SKI: variants seen among roughly 807,000 people sequenced by gnomAD.
SKI encodes the protein SKI proto-oncogene.
In SKI, 23 loss-of-function variants were observed where a neutral mutation model predicts 59.3. The ratio of observed to expected loss-of-function variants is 0.39; its 90% CI spans 0.28 to 0.55. SKI has a LOEUF of 0.55. Ranked by LOEUF, SKI falls within the 20% of genes least tolerant of loss-of-function variation. The pLI, the probability that SKI is intolerant of heterozygous loss-of-function variation, is 0.67. For missense variants in SKI, 1,017 were observed against 1,038.9 expected, an observed-to-expected ratio of 0.98 and a Z score of 0.29; for synonymous variants, 673 against 488.6, an observed-to-expected ratio of 1.38 and a Z score of -4.98.
At chr1:2,306,359 C>T (rs1640578233) in intron 6 of SKI, 109 bp downstream of exon 6, 1 of 1,150,864 alleles carries the variant, frequency 8.7e-7, no homozygotes, top group Non-Finnish European at 1.2e-6. Flanking sequence ...GAAGCCAGGC[C>T]CGGGACCACG....
chr1:2,293,494 C>G (rs903325845), intron 1 of SKI, among the ~76,000 whole-genome samples: 4 of 152,166 alleles, frequency 2.6e-5, no homozygotes, highest in Admixed American at 2.6e-4. Flanking sequence ...TGGCCGTCCC[C>G]TTTTCTGCGT....
Position 2,306,890 on chromosome 1 carries a change from C to G in SKI, c.*125C>G. The stretch of plus-strand genomic sequence containing the variant: ...GCACAACGTCTTACCGTGCCTATTA[C>G]CAAGCGAGTGTTTGTAACCATGTAG... On this transcript the variant is annotated 3_prime_UTR_variant, in exon 7 of 7. Coordinates refer to ENST00000378536, the MANE Select transcript of SKI (RefSeq NM_003036.4). The G allele has an allele frequency of 3.2e-6, 2 of 627,726 alleles. No individual in the cohort carries two copies. Among genetic ancestry groups the G allele is most frequent in the Non-Finnish European group, 4.6e-6 (2 of 438,886 alleles). 38.9% of individuals were successfully genotyped at this position (627,726 alleles called of 1,614,324 possible).
intron 4 of SKI, 59 bp downstream of exon 4, chr1:2,304,161 G>GT: frequency 1.9e-6 from 3 of 1,602,464 alleles, no homozygotes; most frequent in Non-Finnish European, 2.6e-6. Context: ...GGCACTGGCT[G>GT]AGGGGGGCTG....
At position 2,228,716 on chromosome 1, in the gene SKI, G is replaced by A. The variant is rs1638557883; in HGVS notation, c.-51G>A. ...CGCGCGGGGCGGCGGCGGGGGCCGG[G>A]GGGGCCCGGGCGCGCGGGAGCGGGA... On this transcript the variant is annotated 5_prime_UTR_variant, in exon 1 of 7. Coordinates refer to ENST00000378536, the MANE Select transcript of SKI (RefSeq NM_003036.4). 2.0e-5 allele frequency: 20 copies of A among 996,670 alleles called. No homozygotes were observed. Among genetic ancestry groups the A allele is most frequent in the Non-Finnish European group, 2.3e-5 (19 of 838,262 alleles). 61.7% of individuals were successfully genotyped at this position (996,670 alleles called of 1,614,324 possible). A position where few individuals can be genotyped will look rare whatever the true frequency, so the allele number is the denominator to read the frequency against.
At chr1:2,289,131 C>T (rs1378815046) in intron 1 of SKI, among the ~76,000 whole-genome samples, 1 of 152,178 alleles carries the variant, frequency 6.6e-6, no homozygotes, top group Non-Finnish European at 1.5e-5. Flanking sequence ...CCCAGCTGCC[C>T]CTCCCCGAGG....
intron 1 of SKI, among the ~76,000 whole-genome samples, chr1:2,236,746 C>T (rs1020660857): frequency 1.3e-5 from 2 of 152,182 alleles, no homozygotes; most frequent in Non-Finnish European, 2.9e-5. Flanking sequence ...CGTCTTCTGA[C>T]CTGGGGGGCG....
At chr1:2,286,270 G>C (rs1640038543) in intron 1 of SKI, among the ~76,000 whole-genome samples, 1 of 152,180 alleles carries the variant, frequency 6.6e-6, no homozygotes, top group Non-Finnish European at 1.5e-5. Context: ...GGAAGGACAA[G>C]GTGGGCAGAT....
At chr1:2,287,812 T>C (rs1480547286) in intron 1 of SKI, among the ~76,000 whole-genome samples, 1 of 152,078 alleles carries the variant, frequency 6.6e-6, no homozygotes, top group Non-Finnish European at 1.5e-5. Flanking sequence ...GAGCCCAGGC[T>C]CCTTTCTGGG....
At chr1:2,233,848 A>C (rs1474986841) in intron 1 of SKI, among the ~76,000 whole-genome samples, 1 of 152,136 alleles carries the variant, frequency 6.6e-6, no homozygotes, top group African/African-American at 2.4e-5. Flanking sequence ...GACAGCATCA[A>C]GAGTTTCTTT....
rs1462994095 is a variant in SKI, at chr1:2,270,804, G to A, written c.970-32174G>A. Among the ~76,000 whole-genome samples the A allele has an allele frequency of 6.6e-6, 1 of 152,190 alleles. No homozygotes were observed. The highest frequency in any genetic ancestry group is 2.1e-4 in the South Asian group (1 of 4,828). ...TGTTTGGCTGTTGGACATCCTTGCTGTCCCTTTGCTGGACTCTCCAGAGGA... is the reference window on the plus strand; with the variant it reads ...TGTTTGGCTGTTGGACATCCTTGCTATCCCTTTGCTGGACTCTCCAGAGGA... On this transcript the variant is annotated intron_variant, in intron 1 of 6. Coordinates refer to ENST00000378536, the MANE Select transcript of SKI (RefSeq NM_003036.4). This position sits in a 1 kb window ranked among gnomAD's most constrained non-coding sequence, Gnocchi z 4.1.
intron 1 of SKI, among the ~76,000 whole-genome samples, chr1:2,284,699 C>T (rs1416969884): frequency 1.3e-5 from 2 of 152,184 alleles, no homozygotes; most frequent in Admixed American, 6.5e-5. Flanking sequence ...CCTATGAGCC[C>T]TCCCTGGCCC....
chr1:2,273,681 C>A (rs1288576777), intron 1 of SKI, among the ~76,000 whole-genome samples: 2 of 152,138 alleles, frequency 1.3e-5, no homozygotes, highest in Non-Finnish European at 2.9e-5. Context: ...AGTGTGGACC[C>A]AGCCAGGAGG....
At chr1:2,231,701 A>G (rs973284029) in intron 1 of SKI, among the ~76,000 whole-genome samples, 1 of 152,210 alleles carries the variant, frequency 6.6e-6, no homozygotes, top group Non-Finnish European at 1.5e-5. Context: ...TGCGTCCTCT[A>G]GGCCTGAGTG....
At chr1:2,285,321 T>C (rs1640013711) in intron 1 of SKI, among the ~76,000 whole-genome samples, 1 of 152,076 alleles carries the variant, frequency 6.6e-6, no homozygotes. Context: ...AAGACCAGCA[T>C]GGCCAACATG....
intron 1 of SKI, among the ~76,000 whole-genome samples, chr1:2,278,434 A>C (rs1639795513): frequency 2.0e-5 from 3 of 152,108 alleles, no homozygotes; most frequent in Admixed American, 2.0e-4. Context: ...TTGCTGGAGA[A>C]ATCTACCCAG....
Position 2,232,108 on chromosome 1 carries a change from C to G in SKI, c.969+2373C>G, listed in dbSNP as rs575841592. ...GAGGCCCCGCCTCCGCCCTCACTGG[C>G]CGCCGTTGGCTCCTCCCACTCGTGT... On this transcript the variant is annotated intron_variant, in intron 1 of 6. Transcript: ENST00000378536. Among the ~76,000 whole-genome samples, 9 of 152,386 alleles carry G rather than the reference C, an allele frequency of 5.9e-5. No homozygotes were observed. The South Asian group carries it at 1.7e-3, about 28-fold the overall frequency.
chr1:2,242,151 G>A (rs1425282853), intron 1 of SKI, among the ~76,000 whole-genome samples: 1 of 152,244 alleles, frequency 6.6e-6, no homozygotes, highest in Non-Finnish European at 1.5e-5. Context: ...CCTTCCTCAT[G>A]TGATGCGTCC....
At chr1:2,241,612 C>G (rs576968853) in intron 1 of SKI, among the ~76,000 whole-genome samples, 39 of 152,020 alleles carry the variant, frequency 2.6e-4, no homozygotes, top group African/African-American at 8.7e-4. Flanking sequence ...CCAGGATGGT[C>G]TCGATCTCCT....
chr1:2,240,422 A>C (rs1286238852), intron 1 of SKI: 1 of 933,332 alleles, frequency 1.1e-6, no homozygotes, highest in Non-Finnish European at 1.3e-6. Context: ...GGGACTCTGA[A>C]CTGCCAGAAG....
Sources: gnomAD v4.1 joint callset for allele counts (sites outside exome capture counted in the v4.1 genomes callset) on GRCh38, gnomAD v4.1.1 for gene constraint, Gnocchi (gnomAD v3.1) non-coding constraint, MANE v1.5 for transcripts, NCBI Gene and HGNC (gene_info 2026-07-23, HGNC 2026-07-21) for gene names.